Variants in TP53BP1 observed in about 807,000 individuals in gnomAD.
The protein encoded by TP53BP1 is TP53-binding protein 1.
A neutral mutation model predicts 200.8 loss-of-function variants in TP53BP1; 61 were observed. The ratio of observed to expected loss-of-function variants is 0.30; its 90% CI spans 0.25 to 0.38. The LOEUF (loss-of-function observed/expected upper bound fraction) is 0.38, where lower values mean the gene tolerates loss of function less well. Ranked by LOEUF, TP53BP1 falls within the 10% of genes least tolerant of loss-of-function variation. The pLI, the probability that TP53BP1 is intolerant of heterozygous loss-of-function variation, is 1.00. For synonymous variants in TP53BP1, 822 were observed against 844.3 expected (o/e 0.97, Z 0.46); for missense variants, 2,144 against 2,371.9 (o/e 0.90, Z 2.00).
At chr15:43,417,774 T>C (rs2045301372) in intron 21 of TP53BP1, among the ~76,000 whole-genome samples, 1 of 152,198 alleles carries the variant, frequency 6.6e-6, no homozygotes, top group Admixed American at 6.5e-5. Context: ...TAGCTAACAA[T>C]GTTATCCAGA....
At chr15:43,496,401 T>C (rs987708173), upstream of TP53BP1, among the ~76,000 whole-genome samples, 9 of 152,108 alleles carry the variant, frequency 5.9e-5, no homozygotes, top group Admixed American at 1.3e-4. Context: ...CTAAATACTA[T>C]ATGACTTAGT....
rs886890330 is a variant in TP53BP1, at chr15:43,453,582, CT to C, written c.2716+2309del. On this transcript the variant is annotated intron_variant, in intron 12 of 27. Transcript: ENST00000382044. ...AAATATAAAAGCTAATAAATAGGGA[CT>C]TTTTTTTTTTTTGAGGCGGAGTCTC... is the stretch of plus-strand genomic sequence containing the variant. Among the ~76,000 whole-genome samples the C allele has an allele frequency of 6.0e-3, 858 of 143,944 alleles. 2 individuals carry two copies. The highest frequency in any genetic ancestry group is 8.4e-3 in the Non-Finnish European group (546 of 65,352). The allele number at this position is 143,944 out of a possible 152,430, so 94.4% of individuals were successfully genotyped here. A position where few individuals can be genotyped will look rare whatever the true frequency, so the allele number is the denominator to read the frequency against.
chr15:43,403,645 T>TC lies in TP53BP1; in HGVS notation c.*3737dup, dbSNP rs1238001715. ...ACACTTTAACTTCATGGATGTACCTTCCTTCCTTTCCTAATGCCAACTCTG... is the reference window on the plus strand; with the variant it reads ...ACACTTTAACTTCATGGATGTACCTTCCCTTCCTTTCCTAATGCCAACTCTG... On this transcript the variant is annotated 3_prime_UTR_variant, in exon 28 of 28. Transcript: ENST00000382044. 1 of 1,442,678 alleles carries TC rather than the reference T, an allele frequency of 6.9e-7. No homozygotes were observed. Among genetic ancestry groups the TC allele is most frequent in the South Asian group, 1.2e-5 (1 of 86,292 alleles). The allele number at this position is 1,442,678 out of a possible 1,614,324, so 89.4% of individuals were successfully genotyped here.
chr15:43,456,828 C>G lies in TP53BP1; in HGVS notation c.1780G>C (p.Asp594His). 1 of 1,613,962 alleles carries G rather than the reference C, an allele frequency of 6.2e-7. No homozygotes were observed. Among genetic ancestry groups the G allele is most frequent in the Non-Finnish European group, 8.5e-7 (1 of 1,180,044 alleles). Residue 594 changes from aspartate (D) to histidine (H), a missense_variant, in exon 12 of 28, where the codon GAT (aspartate) becomes CAT (histidine). This residue lies in a region of TP53BP1 where 1,700 missense variants were observed against 1,710.3 expected (regional missense o/e 0.99). Transcript: ENST00000382044. ...LSQNDDKTKG[D>H]DTDTRDDISI... is the part of the protein sequence containing the mutation. The stretch of plus-strand genomic sequence containing the variant: ...ATGTCATCCCTGGTGTCTGTATCAT[C>G]TCCCTTTGTTTTGTCATCATTCTGA...
intron 19 of TP53BP1, 137 bp from the exon 20 acceptor site, chr15:43,421,311 A>G (rs1344464439): frequency 5.0e-6 from 4 of 804,758 alleles, no homozygotes; most frequent in South Asian, 1.8e-5. Context: ...TGGTTCACAC[A>G]CCCACCACCA....
chr15:43,427,101 G>A (rs192582405), intron 18 of TP53BP1, among the ~76,000 whole-genome samples: 202 of 150,530 alleles, frequency 1.3e-3, no homozygotes, highest in African/African-American at 4.7e-3. Context: ...TACCAACAAA[G>A]GTCCCAGATC....
Position 43,474,657 on chromosome 15 carries a change from G to C in TP53BP1, c.1180+16C>G, listed in dbSNP as rs377035810. 1.3e-6 allele frequency: 2 copies of C among 1,568,112 alleles called. No homozygotes were observed. The highest frequency in any genetic ancestry group is 1.7e-5 in the Admixed American group (1 of 59,364). ...TCTTCTAATCTGAGATCAACAGACA[G>C]ATCAAGAGAGCTCACCTTGTCTCCC... On this transcript the variant is annotated intron_variant, in intron 10 of 27. Coordinates refer to ENST00000382044, the MANE Select transcript of TP53BP1 (RefSeq NM_001141980.3).
intron 12 of TP53BP1, among the ~76,000 whole-genome samples, chr15:43,451,933 G>A (rs540205458): frequency 1.6e-4 from 25 of 152,244 alleles, no homozygotes; most frequent in Non-Finnish European, 3.4e-4. Flanking sequence ...CCAGGACTTC[G>A]AGACCAGCCT....
At chr15:43,434,972 A>C (rs1368484444) in intron 16 of TP53BP1, among the ~76,000 whole-genome samples, 1 of 152,128 alleles carries the variant, frequency 6.6e-6, no homozygotes, top group Non-Finnish European at 1.5e-5. Context: ...TAAGAAAGTA[A>C]ATTTTAGGCT....
intron 21 of TP53BP1, chr15:43,417,198 CCCCACACA>C (rs1291220422): frequency 6.6e-6 from 1 of 152,038 alleles, no homozygotes; most frequent in Non-Finnish European, 1.5e-5. Flanking sequence ...ACCCCCCCAC[CCCCACACA>C]CATATACAAT....
chr15:43,482,375 C>T (rs1269521913), intron 4 of TP53BP1, among the ~76,000 whole-genome samples: 1 of 152,170 alleles, frequency 6.6e-6, no homozygotes, highest in Non-Finnish European at 1.5e-5. Flanking sequence ...GGGGCTTATC[C>T]CTGTAATCCC....
chr15:43,443,276 G>T (rs2045970358), intron 14 of TP53BP1, among the ~76,000 whole-genome samples: 2 of 152,090 alleles, frequency 1.3e-5, no homozygotes, highest in East Asian at 1.9e-4. Context: ...AAAAATAAAA[G>T]AACTTAATAA....
intron 1 of TP53BP1, among the ~76,000 whole-genome samples, chr15:43,499,901 G>A (rs2079201040): frequency 6.6e-6 from 1 of 152,132 alleles, no homozygotes; most frequent in African/African-American, 2.4e-5. Context: ...AATAATGATA[G>A]TACAAGATAC....
At chr15:43,479,365 C>A in intron 7 of TP53BP1, 32 bp downstream of exon 7, 1 of 1,568,922 alleles carries the variant, frequency 6.4e-7, no homozygotes, top group Non-Finnish European at 8.6e-7. Flanking sequence ...TACAGCAAAA[C>A]TCGTAAATCC....
At chr15:43,503,853 T>C (rs1356978592) in intron 1 of TP53BP1, among the ~76,000 whole-genome samples, 7 of 152,170 alleles carry the variant, frequency 4.6e-5, no homozygotes, top group Non-Finnish European at 4.4e-5. Flanking sequence ...ATTGAAAATA[T>C]TCAGAAAAAA....
chr15:43,416,852 ATG>A (rs1161560296), intron 21 of TP53BP1: 3 of 154,390 alleles, frequency 1.9e-5, no homozygotes, highest in African/African-American at 7.2e-5. Flanking sequence ...GAGAGACAGC[ATG>A]TGTGTGTTTT....
At chr15:43,434,084 T>TA (rs1267044740) in intron 16 of TP53BP1, among the ~76,000 whole-genome samples, 1 of 152,190 alleles carries the variant, frequency 6.6e-6, no homozygotes, top group African/African-American at 2.4e-5. Context: ...GAGCTTAGTA[T>TA]AAATTTGGTT....
At chr15:43,460,408 G>A (rs1426334827) in intron 11 of TP53BP1, among the ~76,000 whole-genome samples, 2 of 151,964 alleles carry the variant, frequency 1.3e-5, no homozygotes, top group Admixed American at 6.6e-5. Flanking sequence ...CTACAGGTGC[G>A]CACCACCAGA....
At chr15:43,420,809 C>T in intron 20 of TP53BP1, 74 bp from the exon 21 acceptor site, 1 of 1,413,186 alleles carries the variant, frequency 7.1e-7, no homozygotes. Flanking sequence ...AATTTTTCCA[C>T]TCCTTTGTCC....
Sources: allele counts gnomAD v4.1 joint callset (sites outside exome capture counted in the v4.1 genomes callset), GRCh38; gene constraint gnomAD v4.1.1; regional missense constraint gnomAD v4.1.1; transcripts MANE v1.5; gene names NCBI Gene and HGNC (gene_info 2026-07-23, HGNC 2026-07-21).